The following WDR88 variants were observed in gnomAD, a reference collection of about 807,000 sequenced individuals.
WDR88 encodes the protein WD repeat domain 88, also known as WD repeat-containing protein 88.
WDR88 carries 40 observed loss-of-function variants against 46.8 expected under a neutral mutation model. The observed-to-expected ratio is 0.86, with a 90% CI of 0.66 to 1.11. The LOEUF (loss-of-function observed/expected upper bound fraction) is 1.11. Ranked by LOEUF, WDR88 falls within the 50% of genes most tolerant of loss-of-function variation. WDR88 has a pLI of 0.00. For missense variants in WDR88, 562 were observed against 602.4 expected (o/e 0.93, Z 0.70); for synonymous variants, 235 against 240.7 (o/e 0.98, Z 0.22).
At position 33,172,357 on chromosome 19, in the gene WDR88, A is replaced by T; in HGVS notation, c.1159A>T (p.Met387Leu). 6.2e-7 allele frequency: 1 copy of T among 1,613,920 alleles called. No individual in the cohort carries two copies. The highest frequency in any genetic ancestry group is 8.5e-7 in the Non-Finnish European group (1 of 1,179,916). The change falls in exon 10 of 11, where the codon ATG becomes TTG. Residue 387 changes from methionine to leucine, a missense_variant. Physicochemically the swap from Met to Leu is conservative, Grantham distance 15. Coordinates refer to ENST00000355868, the MANE Select transcript of WDR88 (RefSeq NM_173479.4). ...WILSASKDRT[M>L]RLWNIEEIDE... The stretch of plus-strand genomic sequence containing the variant: ...TTGCTATTTGTTTTAGGATAGGACC[A>T]TGAGACTGTGGAATATTGAAGAAAT...
At chr19:33,172,278 T>C in intron 9 of WDR88, 70 bp from the exon 10 acceptor site, 1 of 1,310,164 alleles carries the variant, frequency 7.6e-7, no homozygotes, top group South Asian at 1.3e-5. Context: ...CTTTTGATTG[T>C]TGAATGACAT....
rs1351551438 is a variant in WDR88, at chr19:33,133,194, A to AATAAAT, written c.276+752_276+753insAATATA. ...AAATAAATAAATAAATAAATAAATA[A>AATAAAT]ATATAGAGAGAGAGAGAGAAAGAAA... On this transcript the variant is annotated intron_variant, in intron 1 of 10. Transcript: ENST00000355868. Among the ~76,000 whole-genome samples, 419 of 49,466 alleles carry AATAAAT rather than the reference A, an allele frequency of 8.5e-3. 4 individuals are homozygous for AATAAAT. Among genetic ancestry groups the AATAAAT allele is most frequent in the African/African-American group, 0.02 (407 of 20,262 alleles). 32.5% of individuals were successfully genotyped at this position (49,466 alleles called of 152,430 possible).
At chr19:33,175,373 T>C in intron 10 of WDR88, 23 bp from the exon 11 acceptor site, 6 of 1,612,214 alleles carry the variant, frequency 3.7e-6, no homozygotes, top group South Asian at 1.1e-5. Context: ...TCCTTTCTGC[T>C]CTTTTAAAAT....
At position 33,148,915 on chromosome 19, in the gene WDR88, G is replaced by C; in HGVS notation, c.679+5G>C. ...CCACCGTTTCCGTCATCAAAGGTGAGGGTGTGCGGGCTCCCTGTATCTTCA... is the reference window on the plus strand; with the variant it reads ...CCACCGTTTCCGTCATCAAAGGTGACGGTGTGCGGGCTCCCTGTATCTTCA... On this transcript the variant is annotated splice_donor_5th_base_variant and intron_variant, in intron 5 of 10. Coordinates refer to ENST00000355868, the MANE Select transcript of WDR88 (RefSeq NM_173479.4). 3 of 1,613,918 alleles carry C rather than the reference G, an allele frequency of 1.9e-6. No individual in the cohort carries two copies. The highest frequency in any genetic ancestry group is 2.5e-6 in the Non-Finnish European group (3 of 1,179,952).
In WDR88 at chr19:33,156,554, A is replaced by G. The variant is rs549783092; in HGVS notation, c.997+12A>G. 125 of 1,608,774 alleles carry G rather than the reference A, an allele frequency of 7.8e-5. 1 individual carries two copies. In the South Asian group the frequency reaches 1.3e-3, roughly 17 times the overall value. The stretch of plus-strand genomic sequence containing the variant: ...CTTTGCCAGAGACAGTGAGTAATTA[A>G]CATGCAGAAGGCCTCCATTCCTGTG... On this transcript the variant is annotated intron_variant, in intron 7 of 10. Transcript: ENST00000355868.
chr19:33,137,489 G>A (rs1175737049), intron 1 of WDR88, among the ~76,000 whole-genome samples, 188 bp from the exon 2 acceptor site: 1 of 152,122 alleles, frequency 6.6e-6, no homozygotes, highest in Non-Finnish European at 1.5e-5. Flanking sequence ...CTGACCTCAG[G>A]TGATCTGCCT....
chr19:33,155,589 G>C lies in WDR88; in HGVS notation c.810-766G>C, dbSNP rs545628779. Among the ~76,000 whole-genome samples the C allele has an allele frequency of 1.2e-4, 18 of 152,236 alleles. 1 individual carries two copies. Among genetic ancestry groups the C allele is most frequent in the African/African-American group, 3.9e-4 (16 of 41,542 alleles). ...AGTAAGTAAGAGAGGGGTGGAACAG[G>C]GGGAGACCACGCCTGACATTGTTGG... On this transcript the variant is annotated intron_variant, in intron 6 of 10. Transcript: ENST00000355868.
chr19:33,141,922 C>T (rs1375385189), intron 2 of WDR88, among the ~76,000 whole-genome samples: 1 of 152,166 alleles, frequency 6.6e-6, no homozygotes, highest in Admixed American at 6.6e-5. Flanking sequence ...CTCAGGTGAT[C>T]TGTCCGCCTT....
chr19:33,144,615 G>A (rs942077102), intron 2 of WDR88, among the ~76,000 whole-genome samples: 3 of 152,210 alleles, frequency 2.0e-5, no homozygotes, highest in African/African-American at 7.2e-5. Context: ...TGGAATTGCG[G>A]GGTAATTTCC....
chr19:33,172,093 C>T (rs923379741), intron 9 of WDR88, among the ~76,000 whole-genome samples: 1 of 152,172 alleles, frequency 6.6e-6, no homozygotes, highest in Admixed American at 6.5e-5. Flanking sequence ...TTCATCCCTC[C>T]TCCTCTTCCC....
intron 7 of WDR88, among the ~76,000 whole-genome samples, chr19:33,157,728 TATATATATA>T (rs1973787800): frequency 6.3e-5 from 4 of 63,468 alleles, no homozygotes; most frequent in African/African-American, 4.0e-4. Flanking sequence ...TATATATATA[TATATATATA>T]AAATTAAAGA....
chr19:33,138,281 A>G (rs1476067063), intron 2 of WDR88, among the ~76,000 whole-genome samples: 1 of 151,860 alleles, frequency 6.6e-6, no homozygotes, highest in Non-Finnish European at 1.5e-5. Context: ...TGAACTCCTG[A>G]CCTCAGGTGA....
In WDR88 at chr19:33,160,516, G is replaced by A. The variant is rs201722030; in HGVS notation, c.1080+20G>A. The A allele has an allele frequency of 5.7e-5, 92 of 1,613,754 alleles. No homozygotes were observed. The African/African-American group carries it at 9.9e-4, about 17-fold the overall frequency. On this transcript the variant is annotated intron_variant, in intron 8 of 10. Coordinates refer to ENST00000355868, the MANE Select transcript of WDR88 (RefSeq NM_173479.4). Reference sequence around the variant, plus strand: ...TTGAAGGTACATGTGGCCAGCATGAGATTGAGGATCTGAACTTCCCTCCCG... The same window carrying A: ...TTGAAGGTACATGTGGCCAGCATGAAATTGAGGATCTGAACTTCCCTCCCG...
At chr19:33,158,178 G>C (rs1028857170) in intron 7 of WDR88, among the ~76,000 whole-genome samples, 1 of 152,094 alleles carries the variant, frequency 6.6e-6, no homozygotes, top group Non-Finnish European at 1.5e-5. Context: ...GTGAGAAGTG[G>C]GGCTTGCTCT....
chr19:33,162,508 C>T (rs1004357213), intron 8 of WDR88, among the ~76,000 whole-genome samples: 9 of 152,014 alleles, frequency 5.9e-5, no homozygotes, highest in African/African-American at 1.2e-4. Context: ...GCACCGCGCC[C>T]GGCCTGCTCT....
At position 33,151,222 on chromosome 19, in the gene WDR88, G is replaced by T; in HGVS notation, c.721G>T (p.Asp241Tyr). 6.2e-7 allele frequency: 1 copy of T among 1,613,780 alleles called. No individual in the cohort carries two copies. Among genetic ancestry groups the T allele is most frequent in the Non-Finnish European group, 8.5e-7 (1 of 1,179,918 alleles). ...CATCACGTCATGCTGCTTTGACCCC[G>T]ACAGCCAGAGGGTGGCTTCTGTCTC... is the stretch of plus-strand genomic sequence containing the variant. The part of the protein sequence containing the change: ...RSITSCCFDP[D>Y]SQRVASVSLD... The change falls in exon 6 of 11, where the codon GAC (aspartate) becomes TAC (tyrosine). Residue 241 changes from aspartate (D) to tyrosine (Y), a missense_variant. Coordinates refer to ENST00000355868, the MANE Select transcript of WDR88 (RefSeq NM_173479.4).
Position 33,132,186 on chromosome 19 carries a change from G to T in WDR88, c.17G>T (p.Arg6Leu). 7 of 1,597,292 alleles carry T rather than the reference G, an allele frequency of 4.4e-6. No homozygotes were observed. Among genetic ancestry groups the T allele is most frequent in the Non-Finnish European group, 5.1e-6 (6 of 1,174,270 alleles). The change falls in exon 1 of 11, where the codon CGG becomes CTG. Residue 6 changes from arginine (R) to leucine (L), a missense_variant. Coordinates refer to ENST00000355868, the MANE Select transcript of WDR88 (RefSeq NM_173479.4). The part of the protein sequence containing the change: MASPP[R>L]CSPTAHDREC... ...GGCTTCGAGATGGCCTCCCCGCCGC[G>T]GTGCTCCCCGACAGCCCATGACAGG...
intron 2 of WDR88, among the ~76,000 whole-genome samples, 168 bp downstream of exon 2, chr19:33,137,955 C>T (rs539969485): frequency 2.0e-5 from 3 of 152,078 alleles, no homozygotes; most frequent in Admixed American, 6.5e-5. Context: ...CCAGCCTAGA[C>T]GAAGTTAGGG....
chr19:33,144,488 C>A (rs2145376354), intron 2 of WDR88, among the ~76,000 whole-genome samples: 2 of 152,286 alleles, frequency 1.3e-5, no homozygotes, highest in Middle Eastern at 3.4e-3. Flanking sequence ...TCGTGAGCCA[C>A]CGCGCCCGGC....
Sources: gnomAD v4.1 joint callset for allele counts (sites outside exome capture counted in the v4.1 genomes callset) on GRCh38, gnomAD v4.1.1 for gene constraint, MANE v1.5 for transcripts, NCBI Gene and HGNC (gene_info 2026-07-23, HGNC 2026-07-21) for gene names.